IGBP1C: variants seen among roughly 807,000 people sequenced by gnomAD.
The protein encoded by IGBP1C is immunoglobulin-binding protein 1 family member C.
At chr17:58,679,048 A>C in the IGBP1C span, among the ~76,000 whole-genome samples, 1 of 151,774 alleles carries the variant, frequency 6.6e-6, no homozygotes, top group Non-Finnish European at 1.5e-5. Flanking sequence ...CAGCTACTCA[A>C]GAGGCTGAGG....
the IGBP1C span, among the ~76,000 whole-genome samples, chr17:58,689,132 G>A: frequency 2.0e-5 from 3 of 151,912 alleles, no homozygotes; most frequent in Non-Finnish European, 4.4e-5. Context: ...GGGTTTCACC[G>A]TGTTAGCCAG....
the IGBP1C span, among the ~76,000 whole-genome samples, chr17:58,674,003 G>A: frequency 2.0e-5 from 3 of 152,300 alleles, no homozygotes; most frequent in East Asian, 3.9e-4. Context: ...GCCGGGTGCG[G>A]TGTCTCCCAC....
At chr17:58,661,636 T>C in the IGBP1C span, 1 of 674,600 alleles carries the variant, frequency 1.5e-6, no homozygotes, top group Non-Finnish European at 2.7e-6. Flanking sequence ...ATTCCTTTCC[T>C]TTCTGGACAC....
chr17:58,668,851 C>A, the IGBP1C span, among the ~76,000 whole-genome samples: 2 of 152,106 alleles, frequency 1.3e-5, no homozygotes, highest in Non-Finnish European at 1.5e-5. Flanking sequence ...GCCCTGAGGA[C>A]TGGGGGGTCA....
chr17:58,671,564 C>T, the IGBP1C span, among the ~76,000 whole-genome samples: 2 of 152,106 alleles, frequency 1.3e-5, no homozygotes, highest in Middle Eastern at 3.2e-3. Context: ...AGCTCAGGCC[C>T]CAAGCTTTGT....
At chr17:58,688,116 T>TG in the IGBP1C span, among the ~76,000 whole-genome samples, 1 of 151,718 alleles carries the variant, frequency 6.6e-6, no homozygotes, top group Non-Finnish European at 1.5e-5. Flanking sequence ...ATTATAGACT[T>TG]TTTTTGTTTT....
At chr17:58,667,636 A>G in the IGBP1C span, among the ~76,000 whole-genome samples, 1 of 152,118 alleles carries the variant, frequency 6.6e-6, no homozygotes, top group South Asian at 2.1e-4. Context: ...TGTAATCCCA[A>G]CACTTTGGGA....
At chr17:58,682,576 G>A in the IGBP1C span, among the ~76,000 whole-genome samples, 1 of 151,908 alleles carries the variant, frequency 6.6e-6, no homozygotes, top group South Asian at 2.1e-4. Flanking sequence ...AGATTTCAAA[G>A]TGTGTTTTAT....
At chr17:58,685,467 A>C in the IGBP1C span, among the ~76,000 whole-genome samples, 3 of 151,704 alleles carry the variant, frequency 2.0e-5, no homozygotes, top group African/African-American at 7.3e-5. Flanking sequence ...CAGATTTGAC[A>C]GATAAATAGT....
the IGBP1C span, among the ~76,000 whole-genome samples, chr17:58,682,411 C>T: frequency 2.0e-5 from 3 of 152,086 alleles, no homozygotes; most frequent in Non-Finnish European, 4.4e-5. Context: ...GCACATGCCA[C>T]CATGCCCGGC....
chr17:58,679,346 C>T, the IGBP1C span, among the ~76,000 whole-genome samples: 1 of 152,154 alleles, frequency 6.6e-6, no homozygotes, highest in East Asian at 1.9e-4. Flanking sequence ...TGGCAAATCA[C>T]TGTAGTACTC....
At chr17:58,687,358 CT>C in the IGBP1C span, among the ~76,000 whole-genome samples, 14 of 152,258 alleles carry the variant, frequency 9.2e-5, no homozygotes, top group Non-Finnish European at 1.5e-4. Context: ...AAGGTACCCC[CT>C]GACCCCTTCT....
chr17:58,666,046 CAA>C, the IGBP1C span, among the ~76,000 whole-genome samples: 17 of 99,044 alleles, frequency 1.7e-4, no homozygotes, highest in Admixed American at 3.2e-4. Context: ...GACTCTGTCT[CAA>C]AAAAAAAAAA....
At chr17:58,679,830 T>A in the IGBP1C span, 13 of 152,160 alleles carry the variant, frequency 8.5e-5, no homozygotes, top group African/African-American at 3.1e-4. Flanking sequence ...AGCACCTGTA[T>A]TTTTAATATC....
chr17:58,661,049 C>A, the IGBP1C span: 8 of 1,103,658 alleles, frequency 7.2e-6, no homozygotes, highest in Non-Finnish European at 1.1e-5. Context: ...ATCTGCTTGA[C>A]CACTTTCCAC....
At chr17:58,674,595 G>A in the IGBP1C span, among the ~76,000 whole-genome samples, 3 of 151,804 alleles carry the variant, frequency 2.0e-5, no homozygotes, top group Non-Finnish European at 4.4e-5. Flanking sequence ...GCTTGAACCT[G>A]GGAGGCGGAG....
At chr17:58,675,028 C>T in the IGBP1C span, among the ~76,000 whole-genome samples, 2 of 151,710 alleles carry the variant, frequency 1.3e-5, no homozygotes, top group African/African-American at 4.8e-5. Context: ...TGCCTATAAC[C>T]CCAGCTTCTT....
the IGBP1C span, chr17:58,661,304 T>C: frequency 2.6e-5 from 21 of 823,356 alleles, no homozygotes; most frequent in African/African-American, 3.2e-4. Context: ...ATCTAGACGC[T>C]TACGGGGGTT....
chr17:58,675,800 C>G, the IGBP1C span, among the ~76,000 whole-genome samples: 1 of 152,176 alleles, frequency 6.6e-6, no homozygotes, highest in African/African-American at 2.4e-5. Context: ...TTCCTTTAAA[C>G]ATGTTTTTAA....
Sources: gnomAD v4.1 joint callset for allele counts (sites outside exome capture counted in the v4.1 genomes callset) on GRCh38, gnomAD v4.1.1 for gene constraint, MANE v1.5 for transcripts, NCBI Gene and HGNC (gene_info 2026-07-23, HGNC 2026-07-21) for gene names.